ACTR3C: variants seen among roughly 807,000 people sequenced by gnomAD.
ACTR3C encodes the protein actin-related protein 3C.
ACTR3C carries 18 observed loss-of-function variants against 26.3 expected under a neutral mutation model. The ratio of observed to expected loss-of-function variants is 0.68; its 90% CI spans 0.47 to 1.01. The LOEUF (loss-of-function observed/expected upper bound fraction) is 1.01, where lower values mean the gene tolerates loss of function less well. Ranked by LOEUF, ACTR3C falls within the 50% of genes least tolerant of loss-of-function variation. The pLI, the probability that ACTR3C is intolerant of heterozygous loss-of-function variation, is 0.00. For missense variants in ACTR3C, 184 were observed against 250.7 expected (o/e 0.73, Z 1.80); for synonymous variants, 55 against 94.5 (o/e 0.58, Z 2.42).
the ACTR3C span, among the ~76,000 whole-genome samples, chr7:150,180,235 G>A: frequency 4.7e-5 from 7 of 149,934 alleles, no homozygotes; most frequent in African/African-American, 1.8e-4. Context: ...AACCCGGGAG[G>A]CGGAGCTTGC....
At chr7:150,036,916 C>A in the ACTR3C span, among the ~76,000 whole-genome samples, 19 of 111,110 alleles carry the variant, frequency 1.7e-4, no homozygotes, top group African/African-American at 5.4e-4. Flanking sequence ...AGTGCCTCCC[C>A]CCTCTGCGAT....
At chr7:150,063,817 C>T in the ACTR3C span, among the ~76,000 whole-genome samples, 1 of 152,180 alleles carries the variant, frequency 6.6e-6, no homozygotes, top group Non-Finnish European at 1.5e-5. Flanking sequence ...ATATCACCTT[C>T]CCCACTGGAA....
At chr7:149,937,325 T>G in the ACTR3C span, among the ~76,000 whole-genome samples, 1 of 150,048 alleles carries the variant, frequency 6.7e-6, no homozygotes, top group African/African-American at 2.5e-5. Flanking sequence ...AGGCTTTATT[T>G]TTGTTGAGAG....
chr7:150,154,366 T>G, the ACTR3C span, among the ~76,000 whole-genome samples: 1 of 152,082 alleles, frequency 6.6e-6, no homozygotes, highest in Non-Finnish European at 1.5e-5. Context: ...TTTGTTTTGG[T>G]CTCAGTAGGT....
At chr7:150,118,730 G>A in the ACTR3C span, among the ~76,000 whole-genome samples, 5 of 140,908 alleles carry the variant, frequency 3.5e-5, no homozygotes, top group African/African-American at 1.4e-4. Context: ...AGGAAATACA[G>A]AGAACACCAC....
chr7:150,180,890 T>C, the ACTR3C span, among the ~76,000 whole-genome samples: 2 of 151,022 alleles, frequency 1.3e-5, no homozygotes, highest in South Asian at 2.1e-4. Context: ...ACCTGAAGTA[T>C]TGTTTTGTGA....
the ACTR3C span, among the ~76,000 whole-genome samples, chr7:149,991,165 C>A: frequency 6.6e-6 from 1 of 152,158 alleles, no homozygotes; most frequent in Non-Finnish European, 1.5e-5. Context: ...CAGGGGAACT[C>A]CCCTTTATAA....
the ACTR3C span, among the ~76,000 whole-genome samples, chr7:150,094,498 C>G: frequency 6.6e-6 from 1 of 150,554 alleles, no homozygotes; most frequent in Non-Finnish European, 1.5e-5. Flanking sequence ...TATTATAGGG[C>G]CAAGGTCGGG....
chr7:149,971,361 C>T, the ACTR3C span, among the ~76,000 whole-genome samples: 1 of 152,104 alleles, frequency 6.6e-6, no homozygotes, highest in African/African-American at 2.4e-5. Context: ...CAATGACTTC[C>T]TTGTAAGAGG....
chr7:150,055,038 A>G, the ACTR3C span, among the ~76,000 whole-genome samples: 206 of 152,360 alleles, frequency 1.4e-3, 6 homozygotes, highest in East Asian at 0.038. Flanking sequence ...GGACTGTTAG[A>G]AACCACTAGC....
At chr7:150,267,577 T>A (rs773674699) in intron 6 of ACTR3C, among the ~76,000 whole-genome samples, 3 of 152,218 alleles carry the variant, frequency 2.0e-5, no homozygotes, top group Non-Finnish European at 2.9e-5. Context: ...AGAGTGGTGA[T>A]GCTAACACAC....
the ACTR3C span, among the ~76,000 whole-genome samples, chr7:149,930,569 G>T: frequency 1.3e-5 from 2 of 152,050 alleles, no homozygotes; most frequent in African/African-American, 4.8e-5. Context: ...CACATACCAC[G>T]CCTGGTCCCT....
chr7:150,180,079 G>A, the ACTR3C span, among the ~76,000 whole-genome samples: 4 of 151,152 alleles, frequency 2.6e-5, no homozygotes, highest in Non-Finnish European at 5.9e-5. Flanking sequence ...GCCGAGGGGG[G>A]TGGATCACGA....
the ACTR3C span, among the ~76,000 whole-genome samples, chr7:150,127,194 G>A: frequency 6.0e-5 from 9 of 149,290 alleles, no homozygotes; most frequent in South Asian, 2.1e-4. Flanking sequence ...ACACACGAGC[G>A]ATGGTGAACA....
chr7:150,227,567 C>T, the ACTR3C span, among the ~76,000 whole-genome samples: 6 of 151,530 alleles, frequency 4.0e-5, no homozygotes, highest in African/African-American at 9.7e-5. Context: ...AAAACTTTAT[C>T]GCAAAACCCT....
chr7:149,973,309 T>C, the ACTR3C span, among the ~76,000 whole-genome samples: 9 of 152,188 alleles, frequency 5.9e-5, no homozygotes, highest in East Asian at 3.9e-4. Context: ...CAAGGAAGAA[T>C]AGAATTAGAT....
chr7:150,141,784 T>C, the ACTR3C span, among the ~76,000 whole-genome samples: 1 of 152,008 alleles, frequency 6.6e-6, no homozygotes, highest in Middle Eastern at 3.4e-3. Context: ...TGTGGGAAGG[T>C]GCATACTGAG....
chr7:150,147,874 A>G, the ACTR3C span, among the ~76,000 whole-genome samples: 3 of 149,384 alleles, frequency 2.0e-5, no homozygotes, highest in East Asian at 5.8e-4. Context: ...CAGACTTAGA[A>G]AAATATCCCA....
At chr7:150,069,632 A>G in the ACTR3C span, among the ~76,000 whole-genome samples, 1 of 152,128 alleles carries the variant, frequency 6.6e-6, no homozygotes, top group South Asian at 2.1e-4. Flanking sequence ...GAGCTTGGGC[A>G]TGTGAGCTCT....
Sources: allele counts gnomAD v4.1 joint callset (sites outside exome capture counted in the v4.1 genomes callset), GRCh38; gene constraint gnomAD v4.1.1; transcripts MANE v1.5; gene names NCBI Gene and HGNC (gene_info 2026-07-23, HGNC 2026-07-21).